GRIA3: variants seen among roughly 807,000 people sequenced by gnomAD.
The protein encoded by GRIA3 is glutamate ionotropic receptor AMPA type subunit 3.
In GRIA3, 3 loss-of-function variants were observed where a neutral mutation model predicts 63.0. The ratio of observed to expected loss-of-function variants is 0.05; its 90% CI spans 0.02 to 0.12. The LOEUF is 0.12. Among genes scored for constraint, GRIA3 ranks in the 10% least tolerant of loss-of-function variants. GRIA3 has a pLI of 1.00. For missense variants in GRIA3, 347 were observed against 700.9 expected, an observed-to-expected ratio of 0.50 and a Z score of 5.70; for synonymous variants, 274 against 257.9, an observed-to-expected ratio of 1.06 and a Z score of -0.60.
Position 123,443,355 on chromosome X carries a change from T to G in GRIA3, c.2076+15216T>G, listed in dbSNP as rs187597344. On this transcript the variant is annotated intron_variant, in intron 12 of 15. Coordinates refer to ENST00000620443, the MANE Select transcript of GRIA3 (RefSeq NM_007325.5). ...CACTGCCCATTTACTGGGTGAGTCT[T>G]GAGTGACCAGGACTGTTGTATTTAT... is the stretch of plus-strand genomic sequence containing the variant. Among the ~76,000 whole-genome samples the G allele has an allele frequency of 4.5e-5, 5 of 112,095 alleles. No individual in the cohort carries two copies. The East Asian group carries it at 1.1e-3, about 25-fold the overall frequency.
chrX:123,206,109 T>A (rs1316323607), intron 2 of GRIA3, among the ~76,000 whole-genome samples: 1 of 112,033 alleles, frequency 8.9e-6, no homozygotes, highest in Non-Finnish European at 1.9e-5. Flanking sequence ...ATAACTCATG[T>A]AAGAAGCATG....
rs2045122918 is a variant in GRIA3 at position 123,354,906 on chromosome X, G to T, written c.697-4G>T. ...GCAATATGTCTTATTTCTTCTTTCT[G>T]CAGGTTGTGATCCTAGGGAAACACT... On this transcript the variant is annotated splice_polypyrimidine_tract_variant and splice_region_variant and intron_variant, in intron 4 of 15. Coordinates refer to ENST00000620443, the MANE Select transcript of GRIA3 (RefSeq NM_007325.5). The T allele has an allele frequency of 8.5e-7, 1 of 1,182,740 alleles. No individual in the cohort carries two copies.
intron 5 of GRIA3, among the ~76,000 whole-genome samples, chrX:123,387,440 G>A (rs1428600273): frequency 9.0e-6 from 1 of 111,009 alleles, no homozygotes; most frequent in Admixed American, 9.6e-5. Flanking sequence ...TTCCTACTTG[G>A]TTGCTCTGGG....
chrX:123,203,506 A>T (rs986171125), intron 2 of GRIA3, among the ~76,000 whole-genome samples: 1 of 111,330 alleles, frequency 9.0e-6, no homozygotes. Context: ...GGAGCGGGGG[A>T]GATCCTGCAT....
intron 2 of GRIA3, among the ~76,000 whole-genome samples, chrX:123,208,502 T>G (rs1022822446): frequency 7.1e-5 from 8 of 112,406 alleles, no homozygotes; most frequent in South Asian, 3.7e-4. Flanking sequence ...TTTGACCAAA[T>G]GAAGCAAAGA....
intron 3 of GRIA3, among the ~76,000 whole-genome samples, chrX:123,289,775 C>G (rs1407545153): frequency 1.8e-5 from 2 of 110,426 alleles, no homozygotes; most frequent in Non-Finnish European, 3.8e-5. Flanking sequence ...CCTCCACCCC[C>G]CCAACCAAGA....
intron 4 of GRIA3, among the ~76,000 whole-genome samples, chrX:123,335,140 C>T (rs771611049): frequency 1.8e-5 from 2 of 110,875 alleles, no homozygotes; most frequent in Non-Finnish European, 3.8e-5. Flanking sequence ...TCTTAGCTGA[C>T]TGACACTCTT....
intron 10 of GRIA3, among the ~76,000 whole-genome samples, chrX:123,410,428 G>C (rs1487606279): frequency 8.9e-6 from 1 of 112,103 alleles, no homozygotes; most frequent in African/African-American, 3.2e-5. Context: ...TGGGGCTGCA[G>C]GGATGGTTGA....
chrX:123,329,691 T>C (rs900073946), intron 4 of GRIA3, among the ~76,000 whole-genome samples: 2 of 111,725 alleles, frequency 1.8e-5, no homozygotes, highest in African/African-American at 6.5e-5. Context: ...TGGTATATCC[T>C]GAATTCAAGA....
chrX:123,271,088 A>G lies in GRIA3; in HGVS notation c.508+17546A>G, dbSNP rs1478751283. The stretch of plus-strand genomic sequence containing the variant: ...CCATAATTTCTTATAGCTGCTGATA[A>G]GCTATTTGGAGCTCTGTAGATCTGA... On this transcript the variant is annotated intron_variant, in intron 3 of 15. Transcript: ENST00000620443. 2.7e-5 allele frequency among the ~76,000 whole-genome samples: 3 copies of G among 111,931 alleles called. No individual in the cohort carries two copies. The East Asian group carries it at 8.4e-4, about 32-fold the overall frequency.
intron 13 of GRIA3, among the ~76,000 whole-genome samples, chrX:123,472,698 G>A (rs1442343072): frequency 9.0e-6 from 1 of 111,469 alleles, no homozygotes; most frequent in African/African-American, 3.3e-5. Context: ...ATGGAATCAA[G>A]GGGTCTACTG....
At chrX:123,246,666 C>T (rs1435612410) in intron 2 of GRIA3, among the ~76,000 whole-genome samples, 1 of 110,909 alleles carries the variant, frequency 9.0e-6, no homozygotes, top group African/African-American at 3.3e-5. Context: ...TTCCCTTTAC[C>T]GTATAACCTA....
intron 2 of GRIA3, among the ~76,000 whole-genome samples, chrX:123,234,804 A>G (rs2044293810): frequency 8.9e-6 from 1 of 111,971 alleles, no homozygotes; most frequent in African/African-American, 3.2e-5. Flanking sequence ...GCAACAATAT[A>G]TCAGGCAATA....
At position 123,279,540 on chromosome X, in the gene GRIA3, G is replaced by A. The variant is rs149855203; in HGVS notation, c.508+25998G>A. Reference sequence around the variant, plus strand: ...GAGCCAACAGATTTCAAGTTTGGACGTTGGTTCAAAGCTTTCTCCTTTCAT... The same window carrying A: ...GAGCCAACAGATTTCAAGTTTGGACATTGGTTCAAAGCTTTCTCCTTTCAT... On this transcript the variant is annotated intron_variant, in intron 3 of 15. Transcript: ENST00000620443. Among the ~76,000 whole-genome samples, 974 of 111,659 alleles carry A rather than the reference G, an allele frequency of 8.7e-3. 14 individuals are homozygous for A. Among genetic ancestry groups the A allele is most frequent in the African/African-American group, 0.03 (907 of 30,689 alleles).
intron 4 of GRIA3, among the ~76,000 whole-genome samples, chrX:123,344,991 A>G (rs887435806): frequency 1.8e-5 from 2 of 111,720 alleles, no homozygotes; most frequent in Non-Finnish European, 3.8e-5. Context: ...GTCCCTGGAG[A>G]GGAGCTCAGG....
intron 4 of GRIA3, among the ~76,000 whole-genome samples, chrX:123,350,650 T>G (rs1029546644): frequency 1.8e-5 from 2 of 112,378 alleles, no homozygotes; most frequent in African/African-American, 6.5e-5. Flanking sequence ...GTTTCACAGA[T>G]GAGTGGATAT....
chrX:123,318,222 GGGA>G (rs2044844888), intron 3 of GRIA3, among the ~76,000 whole-genome samples: 1 of 111,997 alleles, frequency 8.9e-6, no homozygotes, highest in Non-Finnish European at 1.9e-5. Flanking sequence ...GGCCTGTGAT[GGGA>G]GGGGCTGCTG....
At chrX:123,413,820 G>C (rs1260713055) in intron 10 of GRIA3, among the ~76,000 whole-genome samples, 1 of 111,193 alleles carries the variant, frequency 9.0e-6, no homozygotes, top group East Asian at 2.8e-4. Flanking sequence ...TATCTCCTAA[G>C]ACAAGCACTC....
At chrX:123,332,620 G>A (rs921348683) in intron 4 of GRIA3, among the ~76,000 whole-genome samples, 3 of 111,281 alleles carry the variant, frequency 2.7e-5, no homozygotes, top group African/African-American at 9.8e-5. Context: ...TCAACCGGAA[G>A]TCATCAGACT....
Sources: allele counts gnomAD v4.1 joint callset (sites outside exome capture counted in the v4.1 genomes callset), GRCh38; gene constraint gnomAD v4.1.1; transcripts MANE v1.5; gene names NCBI Gene and HGNC (gene_info 2026-07-23, HGNC 2026-07-21).